MYPN: variants seen among roughly 807,000 people sequenced by gnomAD.
MYPN encodes the protein sarcomeric protein myopalladin, 145 kDa (MYOP).
In MYPN, 63 loss-of-function variants were observed where a neutral mutation model predicts 129.4. The observed-to-expected ratio is 0.49, with a 90% confidence interval of 0.40 to 0.60. The LOEUF (loss-of-function observed/expected upper bound fraction) is 0.60. MYPN is among the 20% of genes least tolerant of loss of function. MYPN has a pLI of 0.00. For missense variants in MYPN, 1,596 were observed against 1,635.4 expected (o/e 0.98, Z 0.42); for synonymous variants, 629 against 600.9 (o/e 1.05, Z -0.68).
intron 4 of MYPN, among the ~76,000 whole-genome samples, chr10:68,145,905 C>T (rs911013558): frequency 3.9e-5 from 6 of 152,126 alleles, no homozygotes; most frequent in African/African-American, 1.4e-4. Flanking sequence ...ATTCTCGTGG[C>T]CTTGAGTCAA....
intron 7 of MYPN, among the ~76,000 whole-genome samples, chr10:68,160,187 C>T (rs1357796643): frequency 2.0e-5 from 3 of 151,840 alleles, no homozygotes; most frequent in Admixed American, 6.6e-5. Flanking sequence ...CCAAGGCAGA[C>T]GGATCACTTG....
chr10:68,158,905 CTTT>C (rs10603125), intron 7 of MYPN, among the ~76,000 whole-genome samples: 23 of 147,414 alleles, frequency 1.6e-4, no homozygotes, highest in Admixed American at 2.0e-4. Context: ...AGCCTCCTTA[CTTT>C]TTTTTTTTTT....
At chr10:68,182,332 AAC>A (rs1297453291) in intron 12 of MYPN, among the ~76,000 whole-genome samples, 7 of 30,438 alleles carry the variant, frequency 2.3e-4, no homozygotes, top group African/African-American at 3.2e-4. Context: ...ACATATATAT[AAC>A]ACACACATAT....
intron 2 of MYPN, among the ~76,000 whole-genome samples, chr10:68,139,954 T>G (rs1019451260): frequency 1.3e-5 from 2 of 152,078 alleles, no homozygotes; most frequent in East Asian, 3.9e-4. Flanking sequence ...ATAAGACAAT[T>G]TCAGATAGTA....
chr10:68,135,625 T>TTAA, intron 2 of MYPN: 1 of 323,390 alleles, frequency 3.1e-6, no homozygotes, highest in Non-Finnish European at 4.4e-6. Context: ...GGAAAGTCCT[T>TTAA]TTCTGGTGCA....
In MYPN at chr10:68,090,572, G is replaced by T. The variant is rs371065389; in HGVS notation, c.-2+2580G>T. Among the ~76,000 whole-genome samples the T allele has an allele frequency of 5.3e-4, 80 of 152,166 alleles. 1 individual carries two copies. The Middle Eastern group carries it at 0.014, about 26-fold the overall frequency. ...GCTGGGGAAAATAGTTTCATATCCC[G>T]GACTAGGAGGCACTAATTATAATTT... On this transcript the variant is annotated intron_variant, in intron 1 of 6. Coordinates refer to the MYPN transcript ENST00000685154.
rs933997400 is a variant in MYPN, at chr10:68,211,437, C to A, written c.*982C>A. 1.1e-5 allele frequency: 5 copies of A among 453,950 alleles called. No individual in the cohort carries two copies. The highest frequency in any genetic ancestry group is 1.0e-4 in the African/African-American group (5 of 50,000). The allele number at this position is 453,950 out of a possible 1,614,324, so 28.1% of individuals were successfully genotyped here. A position where few individuals can be genotyped will look rare whatever the true frequency, so the allele number is the denominator to read the frequency against. On this transcript the variant is annotated 3_prime_UTR_variant, in exon 20 of 20. Coordinates refer to ENST00000358913, the MANE Select transcript of MYPN (RefSeq NM_032578.4). ...AGAGTGTTGTTTTTGTCACTTGCCC[C>A]AGCAGAGCAGGGGTTTTGGAAGGAG...
chr10:68,102,611 A>G (rs1386758993), upstream of MYPN, among the ~76,000 whole-genome samples: 1 of 152,202 alleles, frequency 6.6e-6, no homozygotes, highest in Non-Finnish European at 1.5e-5. Flanking sequence ...ATTTAAAAAT[A>G]TGGCTCTATT....
rs768457398 is a variant in MYPN at position 68,121,947 on chromosome 10, C to G, written c.509C>G (p.Ser170Cys). The G allele has an allele frequency of 6.2e-7, 1 of 1,614,166 alleles. No individual in the cohort carries two copies. The highest frequency in any genetic ancestry group is 8.5e-7 in the Non-Finnish European group (1 of 1,180,032). The change falls in exon 2 of 20, where the codon TCC becomes TGC. Residue 170 changes from serine (S) to cysteine (C), a missense_variant. Transcript: ENST00000358913. ...ELSSLFKSHSSKRIRPRACKN... is the reference protein window; with the variant it reads ...ELSSLFKSHSCKRIRPRACKN... ...TCCTCCCTTTTCAAATCCCACAGCT[C>G]CAAAAGGATTAGACCTCGTGCCTGC...
upstream of MYPN, among the ~76,000 whole-genome samples, chr10:68,103,191 T>G (rs2041990397): frequency 6.6e-6 from 1 of 152,254 alleles, no homozygotes; most frequent in Non-Finnish European, 1.5e-5. Context: ...AATAAAAATG[T>G]GAACTTGGAT....
chr10:68,168,403 C>T (rs2043086507), intron 10 of MYPN, among the ~76,000 whole-genome samples: 1 of 152,128 alleles, frequency 6.6e-6, no homozygotes, highest in South Asian at 2.1e-4. Flanking sequence ...GGGGCCGTTA[C>T]ATATGATGAT....
Position 68,210,303 on chromosome 10 carries a change from A to C in MYPN, c.3811A>C (p.Ile1271Leu). The change falls in exon 20 of 20, where the codon ATC (isoleucine) becomes CTC (leucine). Residue 1271 changes from isoleucine (I) to leucine (L), a missense_variant. Transcript: ENST00000358913. ...TTTTCCAGCTCAGTGGCACCATCAG[A>C]TCCCACCGCCCATGTCTGTCCGGCC... ...LDIYAQWHHQ[I>L]PPPMSVRPSG... 6.2e-7 allele frequency: 1 copy of C among 1,613,654 alleles called. No homozygotes were observed. Among genetic ancestry groups the C allele is most frequent in the South Asian group, 1.1e-5 (1 of 91,048 alleles).
upstream of MYPN, among the ~76,000 whole-genome samples, chr10:68,102,074 A>G (rs1467553988): frequency 6.7e-6 from 1 of 149,676 alleles, no homozygotes; most frequent in Non-Finnish European, 1.5e-5. Context: ...GGTTTTCATT[A>G]ATTCTCTATC....
In MYPN at chr10:68,122,026, C is replaced by G; in HGVS notation, c.588C>G (p.Ser196Arg). 1 of 1,614,236 alleles carries G rather than the reference C, an allele frequency of 6.2e-7. No individual in the cohort carries two copies. The highest frequency in any genetic ancestry group is 1.1e-5 in the South Asian group (1 of 91,088). ...ESQNKVMQENSSSFSDLSERR... is the reference protein window; with the variant it reads ...ESQNKVMQENRSSFSDLSERR... ...AAAACAAAGTTATGCAGGAAAACAG[C>G]TCCAGTTTCTCAGATCTGTCAGAAA... Residue 196 changes from serine to arginine, a missense_variant, in exon 2 of 20, where the codon AGC (serine) becomes AGG (arginine). Ser to Arg is a moderately radical substitution (Grantham distance 110, BLOSUM62 -1). Coordinates refer to ENST00000358913, the MANE Select transcript of MYPN (RefSeq NM_032578.4).
chr10:68,191,254 A>G (rs983100772), intron 13 of MYPN, among the ~76,000 whole-genome samples: 8 of 140,310 alleles, frequency 5.7e-5, no homozygotes, highest in Admixed American at 1.5e-4. Flanking sequence ...GTCTTGCTCT[A>G]TTGCCCAGGC....
intron 6 of MYPN, among the ~76,000 whole-genome samples, chr10:68,155,548 C>A (rs2042857759): frequency 6.6e-6 from 1 of 152,198 alleles, no homozygotes; most frequent in South Asian, 2.1e-4. Flanking sequence ...TGGTCTGTCT[C>A]ATTTGTTGTC....
chr10:68,161,853 A>G (rs1417690361), intron 8 of MYPN, 101 bp downstream of exon 8: 1 of 1,016,554 alleles, frequency 9.8e-7, no homozygotes, highest in Non-Finnish European at 1.5e-6. Context: ...AGTGAAAAAT[A>G]AAGTTTTAGG....
intron 12 of MYPN, among the ~76,000 whole-genome samples, chr10:68,188,437 G>A (rs536538876): frequency 1.5e-5 from 2 of 135,658 alleles, no homozygotes; most frequent in South Asian, 2.4e-4. Context: ...TATCATTCTT[G>A]TATTGTTACA....
chr10:68,149,929 T>A, intron 5 of MYPN, 111 bp from the exon 6 acceptor site: 1 of 924,986 alleles, frequency 1.1e-6, no homozygotes, highest in Non-Finnish European at 1.8e-6. Context: ...ATACATCAGT[T>A]TTTTGGTTTG....
Sources: allele counts gnomAD v4.1 joint callset (sites outside exome capture counted in the v4.1 genomes callset), GRCh38; gene constraint gnomAD v4.1.1; transcripts MANE v1.5; gene names NCBI Gene and HGNC (gene_info 2026-07-23, HGNC 2026-07-21).